PXDN: variants seen among roughly 807,000 people sequenced by gnomAD.
PXDN encodes peroxidasin homolog.
Under a neutral mutation model 140.3 loss-of-function variants are expected in PXDN, and 77 were observed. That is an observed-to-expected ratio of 0.55 (90% confidence interval 0.46 to 0.66). PXDN has a LOEUF of 0.66. Among genes scored for constraint, PXDN ranks in the 30% least tolerant of loss-of-function variants. The pLI, the probability that PXDN is intolerant of heterozygous loss-of-function variation, is 0.00. For missense variants in PXDN, 1,838 were observed against 2,039.5 expected, an observed-to-expected ratio of 0.90 and a Z score of 1.90; for synonymous variants, 911 against 857.4, an observed-to-expected ratio of 1.06 and a Z score of -1.09.
At chr2:1,721,752 A>T (rs536756674) in intron 1 of PXDN, among the ~76,000 whole-genome samples, 1 of 152,272 alleles carries the variant, frequency 6.6e-6, no homozygotes, top group East Asian at 1.9e-4. Flanking sequence ...GCGTGAACCC[A>T]GGAGGTGGAG....
intron 16 of PXDN, chr2:1,653,129 T>G (rs1242533508): frequency 4.7e-6 from 1 of 214,510 alleles, no homozygotes; most frequent in Non-Finnish European, 9.5e-6. Context: ...CAGAGCAGAG[T>G]GAGTGGGGGA....
intron 1 of PXDN, among the ~76,000 whole-genome samples, chr2:1,698,639 C>G (rs925892550): frequency 1.3e-5 from 2 of 152,138 alleles, no homozygotes; most frequent in African/African-American, 4.8e-5. Context: ...CGGCCCAGGG[C>G]TCTTTTCTCA....
chr2:1,702,746 A>T (rs1558515738), intron 1 of PXDN, among the ~76,000 whole-genome samples: 1 of 151,328 alleles, frequency 6.6e-6, no homozygotes, highest in African/African-American at 2.4e-5. Context: ...CTCCTGCCTC[A>T]GCCTCCCGAG....
rs1404843853 is a variant in PXDN, at chr2:1,649,118, C to T, written c.2662G>A (p.Gly888Ser). The T allele has an allele frequency of 1.9e-6, 3 of 1,612,744 alleles. No individual in the cohort carries two copies. The highest frequency in any genetic ancestry group is 1.3e-5 in the African/African-American group (1 of 74,992). ...FVRSSPVCGS[G>S]MTSLLMNSVY... is the part of the protein sequence containing the mutation. Reference sequence around the variant, plus strand: ...GAGTTCATGAGCAGCGAAGTCATGCCGCTGCCGCACACAGGGCTGGAGCGC... The same window carrying T: ...GAGTTCATGAGCAGCGAAGTCATGCTGCTGCCGCACACAGGGCTGGAGCGC... The change falls in exon 17 of 23, where the codon GGC becomes AGC. Residue 888 changes from glycine to serine, a missense_variant. Gly to Ser is a moderately conservative substitution (Grantham distance 56). Around this residue, in one of 5 missense-constraint regions of PXDN, gnomAD observed 850 missense variants for 894.1 expected, o/e 0.95. Coordinates refer to ENST00000252804, the MANE Select transcript of PXDN (RefSeq NM_012293.3). This position sits in a 1 kb window ranked among gnomAD's most constrained non-coding sequence, Gnocchi z 7.1.
chr2:1,691,262 G>A (rs1395314706), intron 3 of PXDN, among the ~76,000 whole-genome samples: 2 of 152,100 alleles, frequency 1.3e-5, no homozygotes, highest in Non-Finnish European at 2.9e-5. Context: ...CACACACTTC[G>A]TCACCTTTCC....
chr2:1,700,518 GA>G (rs1264198034), intron 1 of PXDN, among the ~76,000 whole-genome samples: 25 of 152,236 alleles, frequency 1.6e-4, no homozygotes, highest in African/African-American at 5.5e-4. Flanking sequence ...ATTTCAACTC[GA>G]ATGTGCCTTC....
intron 1 of PXDN, among the ~76,000 whole-genome samples, chr2:1,713,737 C>A (rs556212829): frequency 6.6e-6 from 1 of 152,232 alleles, no homozygotes; most frequent in Non-Finnish European, 1.5e-5. Context: ...GACTGAGGGG[C>A]GCACCTGAGG....
At chr2:1,705,747 C>T (rs927963424) in intron 1 of PXDN, among the ~76,000 whole-genome samples, 1 of 150,704 alleles carries the variant, frequency 6.6e-6, no homozygotes, top group Admixed American at 6.6e-5. Flanking sequence ...GATGCAGGTG[C>T]GGCTGCCCAT....
At chr2:1,701,457 G>T (rs1425469467) in intron 1 of PXDN, among the ~76,000 whole-genome samples, 1 of 152,340 alleles carries the variant, frequency 6.6e-6, no homozygotes, top group Non-Finnish European at 1.5e-5. Context: ...ACCGGCAGTC[G>T]CAGGAGAAAT....
At chr2:1,666,071 G>A (rs113039285) in intron 10 of PXDN, 143 bp downstream of exon 10, 1 of 1,162,392 alleles carries the variant, frequency 8.6e-7, no homozygotes, top group Non-Finnish European at 1.2e-6. Context: ...TAGTCCAAGG[G>A]GGGTGTAATG....
chr2:1,670,208 A>T (rs1683541109), intron 9 of PXDN, among the ~76,000 whole-genome samples: 1 of 152,236 alleles, frequency 6.6e-6, no homozygotes, highest in South Asian at 2.1e-4. Context: ...TGTGATAGCT[A>T]AAGATTTGGA....
chr2:1,676,822 G>T, intron 8 of PXDN, 105 bp downstream of exon 8: 1 of 1,034,430 alleles, frequency 9.7e-7, no homozygotes, highest in Non-Finnish European at 1.5e-6. Context: ...CTACGTGGAG[G>T]AGGAAAAGTG....
chr2:1,743,415 C>T (rs1685593925), intron 1 of PXDN, among the ~76,000 whole-genome samples: 1 of 152,118 alleles, frequency 6.6e-6, no homozygotes, highest in Non-Finnish European at 1.5e-5. Flanking sequence ...GAACCCCGGC[C>T]GCCCGGCTCG....
In PXDN at chr2:1,665,020, G is replaced by A. The variant is rs568012430; in HGVS notation, c.1346C>T (p.Thr449Ile). 3.7e-6 allele frequency: 6 copies of A among 1,612,706 alleles called. No individual in the cohort carries two copies. The East Asian group carries it at 1.1e-4, about 30-fold the overall frequency. ...CTTGGCTTCACACTGGAAATCCACG[G>A]TCTGGCCCTCAATAACGACTCTGTC... Reference protein sequence around the residue: ...PQDRVVIEGQTVDFQCEAKGN... With the variant: ...PQDRVVIEGQIVDFQCEAKGN... The change falls in exon 11 of 23, where the codon ACC becomes ATC. Residue 449 changes from threonine to isoleucine, a missense_variant. Physicochemically the swap from Thr to Ile is moderately conservative, Grantham distance 89 (BLOSUM62 -1). Coordinates refer to ENST00000252804, the MANE Select transcript of PXDN (RefSeq NM_012293.3).
intron 1 of PXDN, among the ~76,000 whole-genome samples, chr2:1,716,454 A>G (rs571867395): frequency 0.011 from 1,547 of 136,142 alleles, 13 homozygotes; most frequent in Non-Finnish European, 0.016. Context: ...AAAAAAAAAA[A>G]AAAAAAAAAA....
chr2:1,636,606 T>C (rs1234082290), intron 21 of PXDN: 2 of 150,552 alleles, frequency 1.3e-5, no homozygotes, highest in Non-Finnish European at 2.9e-5. Flanking sequence ...GGCTTCTAAA[T>C]GAAAGCCATC....
chr2:1,691,715 G>A (rs1341242943), intron 3 of PXDN, among the ~76,000 whole-genome samples: 1 of 152,164 alleles, frequency 6.6e-6, no homozygotes, highest in East Asian at 1.9e-4. Context: ...AAGGCTTAGT[G>A]ATGAAACACT....
chr2:1,642,904 C>T lies in PXDN; in HGVS notation c.3952+464G>A, dbSNP rs533726011. The stretch of plus-strand genomic sequence containing the variant: ...CACCTCCTACCTGCAGGGCTCCTCA[C>T]GAGATATTTGATAACATCTATCTTC... On this transcript the variant is annotated intron_variant, in intron 19 of 22. Transcript: ENST00000252804. Among the ~76,000 whole-genome samples the T allele has an allele frequency of 3.9e-5, 6 of 152,330 alleles. No individual in the cohort carries two copies. The East Asian group carries it at 7.7e-4, about 20-fold the overall frequency.
In PXDN at chr2:1,648,404, C is replaced by T. The variant is rs1272931614; in HGVS notation, c.3376G>A (p.Gly1126Arg). 2.5e-6 allele frequency: 4 copies of T among 1,612,126 alleles called. No homozygotes were observed. The highest frequency in any genetic ancestry group is 1.3e-5 in the African/African-American group (1 of 75,026). Residue 1126 changes from glycine to arginine, a missense_variant, in exon 17 of 23, where the codon GGG becomes AGG. This residue lies in a region of PXDN where 850 missense variants were observed against 894.1 expected (regional missense o/e 0.95). Transcript: ENST00000252804. This position sits in a 1 kb window ranked among gnomAD's most constrained non-coding sequence, Gnocchi z 8.9. The part of the protein sequence containing the change: ...PLLRGLFGVA[G>R]KMRVPSQLLN... ...AGCTGCGAGGGCACACGCATTTTCC[C>T]CGCCACCCCGAACAGCCCCCTGAGA...
Sources: gnomAD v4.1 joint callset for allele counts (sites outside exome capture counted in the v4.1 genomes callset) on GRCh38, gnomAD v4.1.1 for gene constraint, gnomAD v4.1.1 regional missense constraint, Gnocchi (gnomAD v3.1) non-coding constraint, MANE v1.5 for transcripts, NCBI Gene and HGNC (gene_info 2026-07-23, HGNC 2026-07-21) for gene names.